The following PARD3 variants were observed in gnomAD, a reference collection of about 807,000 sequenced individuals.
The protein encoded by PARD3 is partitioning defective 3 homolog.
In PARD3, 75 loss-of-function variants were observed where a neutral mutation model predicts 155.4. The observed-to-expected ratio is 0.48, with a 90% CI of 0.40 to 0.58. The LOEUF is 0.58. PARD3 is among the 20% of genes least tolerant of loss of function. The pLI, the probability that PARD3 is intolerant of heterozygous loss-of-function variation, is 0.00. For missense variants in PARD3, 1,642 were observed against 1,721.7 expected (o/e 0.95, Z 0.82); for synonymous variants, 576 against 610.5 (o/e 0.94, Z 0.83).
At chr10:34,504,731 T>C (rs769021600) in intron 3 of PARD3, among the ~76,000 whole-genome samples, 4 of 152,130 alleles carry the variant, frequency 2.6e-5, no homozygotes, top group Non-Finnish European at 5.9e-5. Context: ...GAGTCACTGA[T>C]TGGGAGTGAC....
chr10:34,639,012 A>T (rs1249479146), intron 2 of PARD3, among the ~76,000 whole-genome samples: 4 of 152,236 alleles, frequency 2.6e-5, no homozygotes, highest in African/African-American at 9.6e-5. Flanking sequence ...TCCTCATGCC[A>T]TTAGCATAAT....
At chr10:34,383,057 C>G (rs1249530564) in intron 8 of PARD3, 135 bp from the exon 9 acceptor site, 1 of 844,850 alleles carries the variant, frequency 1.2e-6, no homozygotes, top group Non-Finnish European at 1.9e-6. Flanking sequence ...ATTCTAATAA[C>G]CCATTTATCA....
At chr10:34,657,696 G>A (rs1277182683) in intron 2 of PARD3, among the ~76,000 whole-genome samples, 5 of 151,856 alleles carry the variant, frequency 3.3e-5, no homozygotes, top group Admixed American at 6.6e-5. Flanking sequence ...ACGCCACCAC[G>A]CCTGGCTAAT....
chr10:34,536,642 C>T (rs1162190371), intron 2 of PARD3, among the ~76,000 whole-genome samples: 2 of 152,168 alleles, frequency 1.3e-5, no homozygotes, highest in African/African-American at 4.8e-5. Flanking sequence ...GTCCTGAAAA[C>T]ATCTCACAAT....
chr10:34,368,262 C>T (rs185129465), intron 12 of PARD3, among the ~76,000 whole-genome samples: 40 of 152,238 alleles, frequency 2.6e-4, no homozygotes, highest in African/African-American at 9.1e-4. Flanking sequence ...CGAACAAAGA[C>T]AAATATGATA....
At chr10:34,732,984 A>C (rs1464547725) in intron 1 of PARD3, among the ~76,000 whole-genome samples, 2 of 152,132 alleles carry the variant, frequency 1.3e-5, no homozygotes, top group Non-Finnish European at 2.9e-5. Flanking sequence ...TGAAGACTCC[A>C]GTCTAGTGTC....
intron 12 of PARD3, among the ~76,000 whole-genome samples, chr10:34,369,552 G>A (rs1840371653): frequency 6.6e-6 from 1 of 152,094 alleles, no homozygotes. Flanking sequence ...GGACTGCAAC[G>A]TTATAAGCAA....
intron 2 of PARD3, among the ~76,000 whole-genome samples, chr10:34,594,497 G>A (rs1042629278): frequency 1.1e-4 from 16 of 151,890 alleles, no homozygotes; most frequent in Non-Finnish European, 1.9e-4. Flanking sequence ...GCTCTCACCT[G>A]GCTATGCAAG....
At chr10:34,791,424 C>T (rs1244680799) in intron 1 of PARD3, among the ~76,000 whole-genome samples, 1 of 152,232 alleles carries the variant, frequency 6.6e-6, no homozygotes, top group South Asian at 2.1e-4. Flanking sequence ...GCCGGGGCCT[C>T]CTCCCCAGGA....
intron 1 of PARD3, among the ~76,000 whole-genome samples, chr10:34,724,839 C>T (rs1489627345): frequency 6.6e-6 from 1 of 152,162 alleles, no homozygotes; most frequent in African/African-American, 2.4e-5. Flanking sequence ...GCCCAAGTGA[C>T]AACAACGTAA....
chr10:34,423,566 C>T (rs1217705133), intron 5 of PARD3, among the ~76,000 whole-genome samples: 2 of 152,042 alleles, frequency 1.3e-5, no homozygotes, highest in Non-Finnish European at 2.9e-5. Context: ...TCAAGTCGTG[C>T]ACAATATATA....
At chr10:34,199,157 C>T (rs1951091909) in intron 22 of PARD3, among the ~76,000 whole-genome samples, 1 of 152,090 alleles carries the variant, frequency 6.6e-6, no homozygotes, top group Non-Finnish European at 1.5e-5. Flanking sequence ...ATCGTGCCTC[C>T]CAGCATCACC....
chr10:34,360,142 G>C lies in PARD3; in HGVS notation c.1825C>G (p.Arg609Gly). 1 of 1,613,998 alleles carries C rather than the reference G, an allele frequency of 6.2e-7. No individual in the cohort carries two copies. The highest frequency in any genetic ancestry group is 8.5e-7 in the Non-Finnish European group (1 of 1,179,908). ...AAATCTGCGTGGTTCTCTTTTGACC[G>C]GTTACCTTTGACACTGACACCAAGG... ...AGLGVSVKGN[R>G]SKENHADLGI... Residue 609 changes from arginine to glycine, a missense_variant, in exon 13 of 25, where the codon CGG (arginine) becomes GGG (glycine). Coordinates refer to ENST00000374788, the MANE Select transcript of PARD3 (RefSeq NM_001184785.2).
At chr10:34,307,132 C>T (rs1024714906) in intron 20 of PARD3, among the ~76,000 whole-genome samples, 8 of 152,236 alleles carry the variant, frequency 5.3e-5, no homozygotes, top group East Asian at 1.9e-4. Flanking sequence ...ACTCGTGATC[C>T]GCCCACCTCG....
intron 22 of PARD3, among the ~76,000 whole-genome samples, chr10:34,137,113 T>C (rs117162110): frequency 1.4e-3 from 217 of 152,300 alleles, no homozygotes; most frequent in Middle Eastern, 0.014. Context: ...AAGATTTAAT[T>C]TGATTTTAAG....
intron 20 of PARD3, among the ~76,000 whole-genome samples, chr10:34,303,301 C>T (rs11009722): frequency 6.6e-6 from 1 of 151,556 alleles, no homozygotes; most frequent in Non-Finnish European, 1.5e-5. Flanking sequence ...GAAAGAACAT[C>T]GAAGGAAAAT....
intron 3 of PARD3, among the ~76,000 whole-genome samples, chr10:34,499,647 T>G (rs947866256): frequency 6.6e-6 from 1 of 152,228 alleles, no homozygotes; most frequent in South Asian, 2.1e-4. Context: ...ATATGAATAG[T>G]CTTTTATCAT....
chr10:34,209,719 A>G (rs75113181), intron 22 of PARD3, among the ~76,000 whole-genome samples: 2 of 152,324 alleles, frequency 1.3e-5, no homozygotes, highest in East Asian at 3.9e-4. Context: ...GTTTTTTAAA[A>G]AAGTGCTTAC....
chr10:34,323,702 T>C (rs2384138), intron 19 of PARD3, among the ~76,000 whole-genome samples: 29,431 of 152,128 alleles, frequency 0.19, 3,769 homozygotes, highest in African/African-American at 0.37. Context: ...CCCATCCCCC[T>C]CAAATGAAGC....
Sources: allele counts gnomAD v4.1 joint callset (sites outside exome capture counted in the v4.1 genomes callset), GRCh38; gene constraint gnomAD v4.1.1; transcripts MANE v1.5; gene names NCBI Gene and HGNC (gene_info 2026-07-23, HGNC 2026-07-21).